Variants in SPIDR observed in about 807,000 individuals in gnomAD.
The protein encoded by SPIDR is DNA repair-scaffolding protein.
SPIDR carries 93 observed loss-of-function variants against 104.6 expected under a neutral mutation model. The ratio of observed to expected loss-of-function variants is 0.89; its 90% CI spans 0.75 to 1.06. The LOEUF (loss-of-function observed/expected upper bound fraction) is 1.06. Among genes scored for constraint, SPIDR ranks in the 50% least tolerant of loss-of-function variants. The pLI, the probability that SPIDR is intolerant of heterozygous loss-of-function variation, is 0.00. For missense variants in SPIDR, 1,154 were observed against 1,111.2 expected (o/e 1.04, Z -0.55); for synonymous variants, 431 against 416.9 (o/e 1.03, Z -0.41).
chr8:47,580,191 C>G (rs1436964729), intron 8 of SPIDR, among the ~76,000 whole-genome samples: 3 of 152,128 alleles, frequency 2.0e-5, no homozygotes, highest in African/African-American at 7.2e-5. Flanking sequence ...ATATCCACTG[C>G]TAATGATTGT....
At chr8:47,455,150 G>A (rs2072705294) in intron 8 of SPIDR, among the ~76,000 whole-genome samples, 1 of 151,896 alleles carries the variant, frequency 6.6e-6, no homozygotes, top group African/African-American at 2.4e-5. Context: ...TAATTTTATG[G>A]GCAAGTGCAT....
chr8:47,384,444 T>C (rs2059657328), intron 5 of SPIDR, among the ~76,000 whole-genome samples: 2 of 152,234 alleles, frequency 1.3e-5, no homozygotes, highest in African/African-American at 4.8e-5. Context: ...TTTTTCTTTT[T>C]TTTAGTACTT....
At chr8:47,682,399 T>A (rs1285137291) in intron 11 of SPIDR, among the ~76,000 whole-genome samples, 2 of 152,142 alleles carry the variant, frequency 1.3e-5, no homozygotes, top group African/African-American at 4.8e-5. Context: ...GAGTGACTGC[T>A]AATGGGGTTG....
intron 8 of SPIDR, among the ~76,000 whole-genome samples, chr8:47,494,765 G>A (rs1305017216): frequency 7.9e-5 from 12 of 152,144 alleles, no homozygotes; most frequent in Non-Finnish European, 1.6e-4. Flanking sequence ...CTCCCCTCTT[G>A]AAAGCAAGGG....
At chr8:47,654,005 G>A in intron 10 of SPIDR, 1 of 1,285,578 alleles carries the variant, frequency 7.8e-7, no homozygotes, top group Non-Finnish European at 1.0e-6. Context: ...GAGTGGCAAG[G>A]ACTATCAGAT....
chr8:47,535,046 G>A (rs192459638), intron 8 of SPIDR, among the ~76,000 whole-genome samples: 503 of 152,224 alleles, frequency 3.3e-3, no homozygotes, highest in African/African-American at 0.011. Flanking sequence ...TAACCTAGTT[G>A]AAATAGACCA....
chr8:47,303,084 G>A (rs2042469233), intron 5 of SPIDR, among the ~76,000 whole-genome samples: 2 of 152,222 alleles, frequency 1.3e-5, no homozygotes, highest in South Asian at 2.1e-4. Flanking sequence ...GAGCTGTGGT[G>A]CGCTCCACCC....
chr8:47,456,838 AGT>A (rs1437336777), intron 8 of SPIDR, among the ~76,000 whole-genome samples: 1 of 152,098 alleles, frequency 6.6e-6, no homozygotes, highest in African/African-American at 2.4e-5. Flanking sequence ...CCCACTTATG[AGT>A]GAGAACATAC....
chr8:47,575,196 A>G (rs562865549), intron 8 of SPIDR, among the ~76,000 whole-genome samples: 4 of 152,106 alleles, frequency 2.6e-5, no homozygotes, highest in African/African-American at 9.6e-5. Flanking sequence ...TTTTGTTTCT[A>G]AGTGTCTTGT....
rs952629372 is a variant in SPIDR at position 47,706,586 on chromosome 8, G to T, written c.1977+4571G>T. The stretch of plus-strand genomic sequence containing the variant: ...AATCCTCCGCTGTGCCATCACCAAC[G>T]ATTCCTGTGTTCGCCTTTATAGCCA... On this transcript the variant is annotated intron_variant, in intron 14 of 19. Coordinates refer to ENST00000297423, the MANE Select transcript of SPIDR (RefSeq NM_001080394.4). 4.6e-5 allele frequency among the ~76,000 whole-genome samples: 7 copies of T among 152,138 alleles called. No homozygotes were observed. The South Asian group carries it at 6.2e-4, about 13-fold the overall frequency.
chr8:47,627,507 CTG>C (rs1260620911), intron 10 of SPIDR, among the ~76,000 whole-genome samples: 1 of 152,104 alleles, frequency 6.6e-6, no homozygotes, highest in Non-Finnish European at 1.5e-5. Flanking sequence ...ATTAATTTAT[CTG>C]TGATATATAT....
At chr8:47,393,078 T>C (rs2060800328) in intron 5 of SPIDR, among the ~76,000 whole-genome samples, 1 of 152,206 alleles carries the variant, frequency 6.6e-6, no homozygotes, top group Non-Finnish European at 1.5e-5. Context: ...TCTCATGATT[T>C]CTGAAGTTGT....
chr8:47,290,164 C>T (rs967769281), intron 3 of SPIDR, among the ~76,000 whole-genome samples: 1 of 152,072 alleles, frequency 6.6e-6, no homozygotes, highest in East Asian at 1.9e-4. Flanking sequence ...CTCAGCCCCC[C>T]CTGAGTAGCT....
chr8:47,485,223 C>A (rs1244364031), intron 8 of SPIDR, among the ~76,000 whole-genome samples: 1 of 152,204 alleles, frequency 6.6e-6, no homozygotes, highest in Non-Finnish European at 1.5e-5. Flanking sequence ...CTCGGAGGGT[C>A]CCACGCGCAC....
At chr8:47,539,323 TCTTA>T (rs1272970541) in intron 8 of SPIDR, among the ~76,000 whole-genome samples, 1 of 152,162 alleles carries the variant, frequency 6.6e-6, no homozygotes, top group African/African-American at 2.4e-5. Context: ...GTAAGTCCTT[TCTTA>T]CATCATTAAA....
intron 5 of SPIDR, among the ~76,000 whole-genome samples, chr8:47,317,420 T>G (rs1229189436): frequency 1.3e-5 from 2 of 152,006 alleles, no homozygotes; most frequent in African/African-American, 2.4e-5. Flanking sequence ...CGCCCACCAT[T>G]GCCAAGGCTT....
chr8:47,287,551 C>A (rs1012020463), intron 3 of SPIDR, among the ~76,000 whole-genome samples: 1 of 152,118 alleles, frequency 6.6e-6, no homozygotes, highest in Non-Finnish European at 1.5e-5. Flanking sequence ...AGACCTCCCC[C>A]CAGGAATGCA....
chr8:47,652,221 A>AAAGGTTGGCAGG (rs143878567), intron 10 of SPIDR, among the ~76,000 whole-genome samples: 1 of 152,196 alleles, frequency 6.6e-6, no homozygotes, highest in Admixed American at 6.5e-5. Flanking sequence ...ACACTTTCTC[A>AAAGGTTGGCAGG]AAGGTTGGCA....
chr8:47,434,553 A>G (rs1409184515), intron 7 of SPIDR, among the ~76,000 whole-genome samples: 1 of 152,204 alleles, frequency 6.6e-6, no homozygotes, highest in Non-Finnish European at 1.5e-5. Context: ...AAAATGGACA[A>G]CTTAACATTA....
Sources: allele counts gnomAD v4.1 joint callset (sites outside exome capture counted in the v4.1 genomes callset), GRCh38; gene constraint gnomAD v4.1.1; transcripts MANE v1.5; gene names NCBI Gene and HGNC (gene_info 2026-07-23, HGNC 2026-07-21).